Variants in EFR3B observed in about 807,000 individuals in gnomAD.
EFR3B encodes EFR3 homolog B.
A neutral mutation model predicts 104.7 loss-of-function variants in EFR3B; 64 were observed. The observed-to-expected ratio is 0.61, with a 90% CI of 0.50 to 0.75. The LOEUF (loss-of-function observed/expected upper bound fraction) is 0.75, where lower values mean the gene tolerates loss of function less well. Ranked by LOEUF, EFR3B falls within the 30% of genes least tolerant of loss-of-function variation. The probability of loss-of-function intolerance (pLI) is 0.00; values close to 1 mark genes in which losing one functional copy is unlikely to be tolerated. For synonymous variants in EFR3B, 385 were observed against 417.9 expected, an observed-to-expected ratio of 0.92 and a Z score of 0.96; for missense variants, 750 against 1,078.5, an observed-to-expected ratio of 0.70 and a Z score of 4.27.
At chr2:25,104,760 G>A (rs1036965359) in intron 4 of EFR3B, among the ~76,000 whole-genome samples, 1 of 152,212 alleles carries the variant, frequency 6.6e-6, no homozygotes, top group Non-Finnish European at 1.5e-5. Context: ...GCTGTGAAGC[G>A]TTGAGCAGGT....
At position 25,137,372 on chromosome 2, in the gene EFR3B, T is replaced by A; in HGVS notation, c.1592T>A (p.Leu531Gln). The A allele has an allele frequency of 6.4e-7, 1 of 1,552,120 alleles. No homozygotes were observed. Among genetic ancestry groups the A allele is most frequent in the Non-Finnish European group, 8.7e-7 (1 of 1,147,102 alleles). ...CAGCAGCTCTACAGACACATCTACC[T>A]GAGCTGCAAGGAGGAAACAAACGTG... is the stretch of plus-strand genomic sequence containing the variant. ...HSQQLYRHIY[L>Q]SCKEETNVQK... is the part of the protein sequence containing the mutation. Residue 531 changes from leucine to glutamine, a missense_variant, in exon 15 of 23, where the codon CTG (leucine) becomes CAG (glutamine). Coordinates refer to ENST00000403714, the MANE Select transcript of EFR3B (RefSeq NM_014971.2). The surrounding 1 kb of genome is among the most constrained non-coding windows in gnomAD (Gnocchi z 4.7).
intron 1 of EFR3B, among the ~76,000 whole-genome samples, chr2:25,063,446 G>C (rs894590019): frequency 2.0e-5 from 3 of 152,164 alleles, no homozygotes; most frequent in African/African-American, 7.2e-5. Context: ...CACTGAAATG[G>C]ATTAATCTCA....
chr2:25,153,536 C>G (rs1294613950), intron 21 of EFR3B, among the ~76,000 whole-genome samples, 176 bp from the exon 22 acceptor site: 1 of 152,052 alleles, frequency 6.6e-6, no homozygotes, highest in East Asian at 1.9e-4. Flanking sequence ...TTTCCCTGAT[C>G]CGAATCTGCA....
chr2:25,110,561 G>A (rs1669697122), intron 4 of EFR3B, among the ~76,000 whole-genome samples: 1 of 152,132 alleles, frequency 6.6e-6, no homozygotes. Context: ...CCCCTCCGGA[G>A]CCTCCCTGCA....
intron 3 of EFR3B, among the ~76,000 whole-genome samples, chr2:25,097,217 C>T (rs1034981544): frequency 1.3e-5 from 2 of 152,154 alleles, no homozygotes; most frequent in African/African-American, 4.8e-5. Context: ...TTAAAAATAG[C>T]CATTGTAGCC....
At chr2:25,048,335 C>CTT (rs566507621) in intron 1 of EFR3B, among the ~76,000 whole-genome samples, 3 of 152,034 alleles carry the variant, frequency 2.0e-5, no homozygotes, top group African/African-American at 7.2e-5. Flanking sequence ...ATTTTATATC[C>CTT]TTTTTTTTAA....
At chr2:25,080,429 G>A in intron 1 of EFR3B, 1 of 513,792 alleles carries the variant, frequency 1.9e-6, no homozygotes, top group Non-Finnish European at 3.5e-6. Flanking sequence ...TGAGTAGCTG[G>A]GATTACAGGT....
intron 1 of EFR3B, chr2:25,080,584 A>G (rs1253604617): frequency 3.9e-6 from 2 of 514,886 alleles, no homozygotes; most frequent in African/African-American, 3.9e-5. Flanking sequence ...ATGAGCCACC[A>G]CTCCTGGCCC....
rs147055547 is a variant in EFR3B at position 25,075,135 on chromosome 2, C to G, written c.8-16190C>G. On this transcript the variant is annotated intron_variant, in intron 1 of 22. Coordinates refer to ENST00000403714, the MANE Select transcript of EFR3B (RefSeq NM_014971.2). ...GTTACACCTGATTTTCAAGAATAAT[C>G]CATCCTGGAAATTGTCCTTTCCTAC... is the stretch of plus-strand genomic sequence containing the variant. Among the ~76,000 whole-genome samples the G allele has an allele frequency of 5.9e-5, 9 of 152,284 alleles. No homozygotes were observed. In the East Asian group the frequency reaches 1.7e-3, roughly 29 times the overall value.
In EFR3B at chr2:25,042,182, C is replaced by T; in HGVS notation, c.-131C>T. 8 of 953,104 alleles carry T rather than the reference C, an allele frequency of 8.4e-6. No individual in the cohort carries two copies. The South Asian group carries it at 2.9e-4, about 35-fold the overall frequency. 59.0% of individuals were successfully genotyped at this position (953,104 alleles called of 1,614,324 possible). A position where few individuals can be genotyped will look rare whatever the true frequency, so the allele number is the denominator to read the frequency against. ...CGCGGCCGGCCCCCGCGTCTGCTCCCTCCCCGCCCGGGCCCCTGTCGGCCG... is the reference window on the plus strand; with the variant it reads ...CGCGGCCGGCCCCCGCGTCTGCTCCTTCCCCGCCCGGGCCCCTGTCGGCCG... On this transcript the variant is annotated 5_prime_UTR_variant, in exon 1 of 23. Transcript: ENST00000403714. This position sits in a 1 kb window ranked among gnomAD's most constrained non-coding sequence, Gnocchi z 5.4.
Position 25,139,056 on chromosome 2 carries a change from C to T in EFR3B, c.1723-3C>T. The T allele has an allele frequency of 6.4e-7, 1 of 1,551,688 alleles. No individual in the cohort carries two copies. The highest frequency in any genetic ancestry group is 8.7e-7 in the Non-Finnish European group (1 of 1,146,970). On this transcript the variant is annotated splice_polypyrimidine_tract_variant and splice_region_variant and intron_variant, in intron 15 of 22. Coordinates refer to ENST00000403714, the MANE Select transcript of EFR3B (RefSeq NM_014971.2). Reference sequence around the variant, plus strand: ...TCCGGAGGCCTTGTCTATGTTGCCGCAGGACGTGGCCCAAGTCAATGAGGA... The same window carrying T: ...TCCGGAGGCCTTGTCTATGTTGCCGTAGGACGTGGCCCAAGTCAATGAGGA...
rs970332925 is a variant in EFR3B, at chr2:25,158,432, A to C, written c.*4092A>C. 2.0e-5 allele frequency: 3 copies of C among 152,256 alleles called. No homozygotes were observed. The highest frequency in any genetic ancestry group is 7.2e-5 in the African/African-American group (3 of 41,452). 9.4% of individuals were successfully genotyped at this position (152,256 alleles called of 1,614,324 possible). On this transcript the variant is annotated 3_prime_UTR_variant, in exon 23 of 23. Transcript: ENST00000403714. Reference sequence around the variant, plus strand: ...AGGCATCTCCCTCACACCTGGGGAAAGGTTTAGGGCAACATGTTGCCTCTT... The same window carrying C: ...AGGCATCTCCCTCACACCTGGGGAACGGTTTAGGGCAACATGTTGCCTCTT...
At chr2:25,092,236 T>C (rs1221257893) in intron 2 of EFR3B, among the ~76,000 whole-genome samples, 2 of 151,278 alleles carry the variant, frequency 1.3e-5, no homozygotes, top group Non-Finnish European at 3.0e-5. Context: ...GCCCAGCTAA[T>C]TTTTTGTACT....
intron 5 of EFR3B, among the ~76,000 whole-genome samples, chr2:25,127,058 G>A (rs1377309558): frequency 6.6e-6 from 1 of 151,694 alleles, no homozygotes; most frequent in Non-Finnish European, 1.5e-5. Context: ...CGGGCATAGT[G>A]GCACATGCCT....
intron 19 of EFR3B, 105 bp downstream of exon 19, chr2:25,145,156 G>T (rs758538791): frequency 7.7e-6 from 8 of 1,034,530 alleles, no homozygotes; most frequent in African/African-American, 1.6e-5. Flanking sequence ...TGCATGGAAA[G>T]CAAGTTTCTC....
chr2:25,094,487 C>T lies in EFR3B; in HGVS notation c.212+1357C>T, dbSNP rs182124768. On this transcript the variant is annotated intron_variant, in intron 3 of 22. Coordinates refer to ENST00000403714, the MANE Select transcript of EFR3B (RefSeq NM_014971.2). ...GCGACTTACAGGAGAGGAGAGAGAG[C>T]TTGCCACACACGTGGGATGACACTC... Among the ~76,000 whole-genome samples the T allele has an allele frequency of 6.6e-5, 10 of 152,232 alleles. No individual in the cohort carries two copies. In the East Asian group the frequency reaches 1.7e-3, roughly 26 times the overall value.
chr2:25,148,535 A>G (rs1670899740), intron 19 of EFR3B, among the ~76,000 whole-genome samples: 1 of 151,736 alleles, frequency 6.6e-6, no homozygotes, highest in Admixed American at 6.6e-5. Flanking sequence ...GATTCCAAGC[A>G]TGAGCCACCG....
At chr2:25,148,254 C>CT (rs1223372267) in intron 19 of EFR3B, among the ~76,000 whole-genome samples, 24 of 149,748 alleles carry the variant, frequency 1.6e-4, no homozygotes, top group South Asian at 4.3e-4. Flanking sequence ...CCGGTCACTT[C>CT]TTTTTTTAAA....
At chr2:25,133,519 G>T in intron 12 of EFR3B, 85 bp downstream of exon 12, 3 of 1,332,610 alleles carry the variant, frequency 2.3e-6, no homozygotes, top group Non-Finnish European at 3.2e-6. Flanking sequence ...TCCACATACA[G>T]TCGTGCATGT....
Sources: allele counts gnomAD v4.1 joint callset (sites outside exome capture counted in the v4.1 genomes callset), GRCh38; gene constraint gnomAD v4.1.1; non-coding constraint Gnocchi (gnomAD v3.1); transcripts MANE v1.5; gene names NCBI Gene and HGNC (gene_info 2026-07-23, HGNC 2026-07-21).